The following MAP6 variants were observed in gnomAD, a reference collection of about 807,000 sequenced individuals.
MAP6 encodes microtubule-associated protein 6.
A neutral mutation model predicts 42.4 loss-of-function variants in MAP6; 26 were observed. The ratio of observed to expected loss-of-function variants is 0.61; its 90% CI spans 0.45 to 0.85. The LOEUF (loss-of-function observed/expected upper bound fraction) is 0.85. Ranked by LOEUF, MAP6 falls within the 40% of genes least tolerant of loss-of-function variation. MAP6 has a pLI of 0.00. For synonymous variants in MAP6, 418 were observed against 443.8 expected (o/e 0.94, Z 0.73); for missense variants, 966 against 1,099.0 (o/e 0.88, Z 1.71).
intron 1 of MAP6, among the ~76,000 whole-genome samples, chr11:75,652,048 C>G (rs1943654596): frequency 6.6e-6 from 1 of 152,028 alleles, no homozygotes; most frequent in Non-Finnish European, 1.5e-5. Context: ...TATTATTACC[C>G]AAAAAAATTA....
chr11:75,609,498 C>T (rs747326112), intron 1 of MAP6, among the ~76,000 whole-genome samples: 4 of 152,222 alleles, frequency 2.6e-5, no homozygotes, highest in African/African-American at 4.8e-5. Flanking sequence ...GCTTGGACTG[C>T]GACGGAGACA....
Position 75,586,926 on chromosome 11 carries a change from A to G in MAP6, c.*133T>C. The G allele has an allele frequency of 9.9e-7, 1 of 1,008,418 alleles. No individual in the cohort carries two copies. The highest frequency in any genetic ancestry group is 1.4e-6 in the Non-Finnish European group (1 of 699,430). 62.5% of individuals were successfully genotyped at this position (1,008,418 alleles called of 1,614,324 possible). A position where few individuals can be genotyped will look rare whatever the true frequency, so the allele number is the denominator to read the frequency against. On this transcript the variant is annotated 3_prime_UTR_variant, in exon 4 of 4. Transcript: ENST00000304771. ...ACAGAGAGAAACATTGCTGAGCCAGAGGGACCATTTTTATTAGATTCCAGC... is the reference window on the plus strand; with the variant it reads ...ACAGAGAGAAACATTGCTGAGCCAGGGGGACCATTTTTATTAGATTCCAGC...
intron 1 of MAP6, among the ~76,000 whole-genome samples, chr11:75,662,119 C>A (rs1943860634): frequency 6.6e-6 from 1 of 152,052 alleles, no homozygotes; most frequent in Admixed American, 6.5e-5. Flanking sequence ...TGGAATAGAA[C>A]AGAGAACCCA....
intron 1 of MAP6, among the ~76,000 whole-genome samples, chr11:75,631,960 A>G (rs1051220046): frequency 6.6e-6 from 1 of 152,254 alleles, no homozygotes; most frequent in African/African-American, 2.4e-5. Context: ...TGGTGAAATT[A>G]TCTCTGCGAG....
chr11:75,638,073 T>C (rs1460233273), intron 1 of MAP6, among the ~76,000 whole-genome samples: 1 of 152,190 alleles, frequency 6.6e-6, no homozygotes, highest in African/African-American at 2.4e-5. Context: ...TGTAATCATT[T>C]AAATGATGTA....
intron 1 of MAP6, among the ~76,000 whole-genome samples, chr11:75,627,684 A>G (rs746239688): frequency 3.4e-4 from 52 of 152,308 alleles, no homozygotes; most frequent in Admixed American, 1.5e-3. Flanking sequence ...ACCTCATTCA[A>G]TCGTCATGGA....
chr11:75,609,992 T>C (rs1942861427), intron 1 of MAP6, among the ~76,000 whole-genome samples: 1 of 152,200 alleles, frequency 6.6e-6, no homozygotes, highest in African/African-American at 2.4e-5. Flanking sequence ...AGGCAATTGA[T>C]TGATGAGTTG....
Position 75,587,371 on chromosome 11 carries a change from G to A in MAP6, c.2130C>T (p.Pro710=). Reference sequence around the variant, plus strand: ...TGGGGTCTTGATTCTTCACGGACTCGGGGACCACAGGACCTTGATTCTTTA... The same window carrying A: ...TGGGGTCTTGATTCTTCACGGACTCAGGGACCACAGGACCTTGATTCTTTA... ...APVKNQGPVV[P]ESVKNQDPIL... is the part of the protein sequence containing the mutation. The change falls in exon 4 of 4, where the codon CCC becomes CCT. Residue 710 remains proline, a synonymous_variant. Coordinates refer to ENST00000304771, the MANE Select transcript of MAP6 (RefSeq NM_033063.2). 1.9e-6 allele frequency: 3 copies of A among 1,613,922 alleles called. No individual in the cohort carries two copies. The highest frequency in any genetic ancestry group is 1.7e-6 in the Non-Finnish European group (2 of 1,179,960).
At chr11:75,602,595 C>G (rs1249301165) in intron 3 of MAP6, among the ~76,000 whole-genome samples, 1 of 152,204 alleles carries the variant, frequency 6.6e-6, no homozygotes, top group African/African-American at 2.4e-5. Context: ...TGCAGGCGGT[C>G]GCTCTTCCCG....
At chr11:75,614,992 A>G (rs1457690236) in intron 1 of MAP6, among the ~76,000 whole-genome samples, 1 of 152,204 alleles carries the variant, frequency 6.6e-6, no homozygotes, top group East Asian at 1.9e-4. Flanking sequence ...AAGGTAGCAA[A>G]ACCTCCAGTG....
intron 2 of MAP6, chr11:75,607,185 C>T: frequency 2.1e-6 from 2 of 971,982 alleles, no homozygotes; most frequent in Non-Finnish European, 2.4e-6. Flanking sequence ...GGAAGAATCC[C>T]AGGCAAACTG....
chr11:75,633,759 G>A (rs1027199577), intron 1 of MAP6, among the ~76,000 whole-genome samples: 1 of 152,210 alleles, frequency 6.6e-6, no homozygotes, highest in Non-Finnish European at 1.5e-5. Context: ...CGGAGGATGT[G>A]TCTGAGGAAT....
chr11:75,637,427 A>G (rs1327729938), intron 1 of MAP6, among the ~76,000 whole-genome samples: 1 of 152,208 alleles, frequency 6.6e-6, no homozygotes, highest in East Asian at 1.9e-4. Flanking sequence ...AACACATCTA[A>G]TGAAATAAAC....
intron 1 of MAP6, among the ~76,000 whole-genome samples, chr11:75,613,738 C>T (rs755708887): frequency 6.6e-6 from 1 of 152,060 alleles, no homozygotes; most frequent in Non-Finnish European, 1.5e-5. Flanking sequence ...GATGAATGGG[C>T]TCAATCAATA....
At chr11:75,645,360 A>T (rs1943539162) in intron 1 of MAP6, among the ~76,000 whole-genome samples, 1 of 151,986 alleles carries the variant, frequency 6.6e-6, no homozygotes, top group African/African-American at 2.4e-5. Flanking sequence ...GGTGGGATGG[A>T]GTCGGGGAAC....
At chr11:75,657,698 G>T (rs1315954005) in intron 1 of MAP6, among the ~76,000 whole-genome samples, 1 of 152,214 alleles carries the variant, frequency 6.6e-6, no homozygotes, top group Admixed American at 6.5e-5. Context: ...CTCTAGGGGA[G>T]AATACTTTCT....
intron 1 of MAP6, among the ~76,000 whole-genome samples, chr11:75,610,934 C>T (rs1312220066): frequency 5.3e-5 from 8 of 152,114 alleles, no homozygotes; most frequent in Non-Finnish European, 1.5e-5. Flanking sequence ...ATTCTGTTCA[C>T]GGCATCCCAC....
chr11:75,666,684 C>T (rs2009247), intron 1 of MAP6, among the ~76,000 whole-genome samples: 11,715 of 152,200 alleles, frequency 0.077, 679 homozygotes, highest in African/African-American at 0.16. Flanking sequence ...GGCACACTGC[C>T]TGGCATATAG....
intron 1 of MAP6, among the ~76,000 whole-genome samples, chr11:75,632,577 C>T (rs1472635920): frequency 6.6e-6 from 1 of 152,178 alleles, no homozygotes; most frequent in African/African-American, 2.4e-5. Context: ...CTATAATCTA[C>T]TGGCTTCTAA....
Sources: allele counts gnomAD v4.1 joint callset (sites outside exome capture counted in the v4.1 genomes callset), GRCh38; gene constraint gnomAD v4.1.1; transcripts MANE v1.5; gene names NCBI Gene and HGNC (gene_info 2026-07-23, HGNC 2026-07-21).